SMURF2: variants seen among roughly 807,000 people sequenced by gnomAD.
The protein encoded by SMURF2 is SMAD specific E3 ubiquitin protein ligase 2, also known as E3 ubiquitin-protein ligase SMURF2.
A neutral mutation model predicts 109.6 loss-of-function variants in SMURF2; 48 were observed. That is an observed-to-expected ratio of 0.44 (90% CI 0.35 to 0.56). The LOEUF (loss-of-function observed/expected upper bound fraction) is 0.56, where lower values mean the gene tolerates loss of function less well. Ranked by LOEUF, SMURF2 falls within the 20% of genes least tolerant of loss-of-function variation. SMURF2 has a pLI of 0.01. For synonymous variants in SMURF2, 288 were observed against 317.1 expected (o/e 0.91, Z 0.97); for missense variants, 575 against 909.0 (o/e 0.63, Z 4.72).
chr17:64,662,184 C>T lies in SMURF2; in HGVS notation c.-304G>A, dbSNP rs1970793325. ...CTCCTCGCGGCCGCCGAGGCCTTTC[C>T]CTCCTCTCGTCTCGGCGAGGCCCAG... On this transcript the variant is annotated 5_prime_UTR_variant, in exon 1 of 19. Coordinates refer to ENST00000262435, the MANE Select transcript of SMURF2 (RefSeq NM_022739.4). The T allele has an allele frequency of 4.8e-6, 5 of 1,036,356 alleles. No individual in the cohort carries two copies. Among genetic ancestry groups the T allele is most frequent in the Non-Finnish European group, 5.8e-6 (5 of 863,838 alleles). 64.2% of individuals were successfully genotyped at this position (1,036,356 alleles called of 1,614,324 possible). A position where few individuals can be genotyped will look rare whatever the true frequency, so the allele number is the denominator to read the frequency against.
chr17:64,568,334 A>C (rs918722795), intron 10 of SMURF2, among the ~76,000 whole-genome samples: 2 of 152,136 alleles, frequency 1.3e-5, no homozygotes, highest in Non-Finnish European at 1.5e-5. Context: ...GTTTTGGGCC[A>C]CACTGAAAGC....
intron 1 of SMURF2, among the ~76,000 whole-genome samples, chr17:64,657,529 T>TG (rs1168019540): frequency 9.0e-5 from 13 of 144,626 alleles, no homozygotes; most frequent in African/African-American, 3.4e-4. Flanking sequence ...CCATCTGTAC[T>TG]GGAAAAAAAA....
chr17:64,660,390 T>C (rs1402827112), intron 1 of SMURF2, among the ~76,000 whole-genome samples: 3 of 151,976 alleles, frequency 2.0e-5, no homozygotes, highest in African/African-American at 7.3e-5. Flanking sequence ...GGACACTGAA[T>C]GAGGGGGGAG....
chr17:64,621,567 G>A (rs537917877), intron 1 of SMURF2, among the ~76,000 whole-genome samples: 10 of 150,352 alleles, frequency 6.7e-5, no homozygotes, highest in African/African-American at 2.2e-4. Context: ...GTGACAGAGC[G>A]AGACTCTGTC....
rs139913332 is a variant in SMURF2 at position 64,549,619 on chromosome 17, G to A, written c.1870-1818C>T. Among the ~76,000 whole-genome samples, 122 of 152,224 alleles carry A rather than the reference G, an allele frequency of 8.0e-4. 2 individuals are homozygous for A. The East Asian group carries it at 0.01, about 13-fold the overall frequency. On this transcript the variant is annotated intron_variant, in intron 16 of 18. Transcript: ENST00000262435. ...AAAAATACAAAAATTAGCCAGGCAT[G>A]GTGGTGCACACCTGAAGTCCCAGTT... is the stretch of plus-strand genomic sequence containing the variant.
chr17:64,656,901 T>A (rs1970713599), intron 1 of SMURF2, among the ~76,000 whole-genome samples: 1 of 152,086 alleles, frequency 6.6e-6, no homozygotes, highest in Non-Finnish European at 1.5e-5. Context: ...CCTGCAATGG[T>A]TCCCCCCACC....
chr17:64,629,238 C>T (rs1598303989), intron 1 of SMURF2, among the ~76,000 whole-genome samples: 2 of 152,168 alleles, frequency 1.3e-5, no homozygotes, highest in Admixed American at 1.3e-4. Context: ...AGTGTGTGTA[C>T]ACCTATAATC....
rs1032014028 is a variant in SMURF2, at chr17:64,542,736, G to A, written c.*3112C>T. On this transcript the variant is annotated 3_prime_UTR_variant, in exon 19 of 19. Transcript: ENST00000262435. ...ACTGGAAATTCAAAGCCCAGATTTA[G>A]TGTTGTAAAGTAAAGCGAATTACAT... 2 of 152,184 alleles carry A rather than the reference G, an allele frequency of 1.3e-5. No homozygotes were observed. Among genetic ancestry groups the A allele is most frequent in the African/African-American group, 4.8e-5 (2 of 41,436 alleles). The allele number at this position is 152,184 out of a possible 1,614,324, so 9.4% of individuals were successfully genotyped here.
At chr17:64,611,607 A>G (rs1340104066) in intron 1 of SMURF2, among the ~76,000 whole-genome samples, 4 of 152,080 alleles carry the variant, frequency 2.6e-5, no homozygotes, top group African/African-American at 4.8e-5. Flanking sequence ...CCTCGGAAAT[A>G]TCCTTCATCT....
intron 9 of SMURF2, among the ~76,000 whole-genome samples, chr17:64,575,116 TA>T (rs555685824): frequency 0.041 from 5,860 of 143,234 alleles, 438 homozygotes; most frequent in African/African-American, 0.14. Flanking sequence ...TTAGTAAGCT[TA>T]AAAAAAAAAA....
At chr17:64,578,945 C>G (rs1205388215) in intron 8 of SMURF2, among the ~76,000 whole-genome samples, 1 of 152,150 alleles carries the variant, frequency 6.6e-6, no homozygotes, top group Admixed American at 6.5e-5. Flanking sequence ...GAGGAACTTC[C>G]AGAAATTTTC....
intron 1 of SMURF2, among the ~76,000 whole-genome samples, chr17:64,632,357 G>T (rs781888337): frequency 6.6e-6 from 1 of 152,082 alleles, no homozygotes; most frequent in Non-Finnish European, 1.5e-5. Flanking sequence ...TCAGATGTCC[G>T]GAGCTAGACT....
chr17:64,556,025 CG>C, intron 13 of SMURF2, 27 bp from the exon 14 acceptor site: 1 of 1,496,370 alleles, frequency 6.7e-7, no homozygotes, highest in South Asian at 1.3e-5. Flanking sequence ...TATATATACT[CG>C]TTAGGCACTA....
chr17:64,632,510 A>G (rs1259614643), intron 1 of SMURF2, among the ~76,000 whole-genome samples: 1 of 152,214 alleles, frequency 6.6e-6, no homozygotes, highest in African/African-American at 2.4e-5. Context: ...CAGCTGTGGG[A>G]AAGAGAGATG....
intron 1 of SMURF2, among the ~76,000 whole-genome samples, chr17:64,614,034 T>C (rs1266092881): frequency 6.6e-6 from 1 of 151,924 alleles, no homozygotes; most frequent in African/African-American, 2.4e-5. Flanking sequence ...AACACTCCTA[T>C]GAGAATCTAT....
intron 1 of SMURF2, among the ~76,000 whole-genome samples, chr17:64,629,291 A>G (rs1221193857): frequency 6.6e-6 from 1 of 152,218 alleles, no homozygotes; most frequent in Non-Finnish European, 1.5e-5. Flanking sequence ...CCTTTAGCCC[A>G]GGAGTTTGAG....
intron 10 of SMURF2, among the ~76,000 whole-genome samples, chr17:64,570,898 G>A (rs1000976445): frequency 1.8e-4 from 27 of 152,030 alleles, no homozygotes; most frequent in Admixed American, 1.5e-3. Context: ...CTCCCACCTC[G>A]GTGTCCTGAG....
chr17:64,623,334 G>GA (rs782811783), intron 1 of SMURF2, among the ~76,000 whole-genome samples: 8 of 152,118 alleles, frequency 5.3e-5, no homozygotes, highest in Non-Finnish European at 1.0e-4. Flanking sequence ...CCAGAGTCTA[G>GA]AAAAAAGTGC....
Position 64,571,997 on chromosome 17 carries a change from G to A in SMURF2, c.858-41C>T, listed in dbSNP as rs778806549. The A allele has an allele frequency of 6.4e-5, 100 of 1,561,804 alleles. No individual in the cohort carries two copies. In the Middle Eastern group the frequency reaches 6.8e-4, roughly 11 times the overall value. On this transcript the variant is annotated intron_variant, in intron 9 of 18. Coordinates refer to ENST00000262435, the MANE Select transcript of SMURF2 (RefSeq NM_022739.4). Reference sequence around the variant, plus strand: ...TAAAATAAAAAATACCTCATTGCTCGCCCTGCTGAACCAAGCAAGTGTAAA... The same window carrying A: ...TAAAATAAAAAATACCTCATTGCTCACCCTGCTGAACCAAGCAAGTGTAAA...
Sources: gnomAD v4.1 joint callset for allele counts (sites outside exome capture counted in the v4.1 genomes callset) on GRCh38, gnomAD v4.1.1 for gene constraint, MANE v1.5 for transcripts, NCBI Gene and HGNC (gene_info 2026-07-23, HGNC 2026-07-21) for gene names.